RTN1: variants seen among roughly 807,000 people sequenced by gnomAD.
The protein encoded by RTN1 is reticulon-1.
In RTN1, 25 loss-of-function variants were observed where a neutral mutation model predicts 65.5. That is an observed-to-expected ratio of 0.38 (90% CI 0.28 to 0.53). The LOEUF is 0.53. Ranked by LOEUF, RTN1 falls within the 20% of genes least tolerant of loss-of-function variation. The pLI is 0.79. For missense variants in RTN1, 983 were observed against 1,025.4 expected (o/e 0.96, Z 0.57); for synonymous variants, 471 against 447.6 (o/e 1.05, Z -0.66).
At chr14:59,739,983 A>G (rs560439060) in intron 2 of RTN1, among the ~76,000 whole-genome samples, 1 of 152,324 alleles carries the variant, frequency 6.6e-6, no homozygotes, top group South Asian at 2.1e-4. Flanking sequence ...CCCTTGTGCC[A>G]GCTGGCCTGA....
chr14:59,853,660 G>A (rs1202642600), intron 1 of RTN1, among the ~76,000 whole-genome samples: 1 of 151,918 alleles, frequency 6.6e-6, no homozygotes, highest in African/African-American at 2.4e-5. Context: ...TGGGCATCTC[G>A]AGTTAACGAG....
chr14:59,858,324 T>A (rs778572594), intron 1 of RTN1, among the ~76,000 whole-genome samples: 7 of 152,220 alleles, frequency 4.6e-5, no homozygotes, highest in Non-Finnish European at 7.3e-5. Context: ...AGGTAGTTTA[T>A]AGACCATATT....
At chr14:59,762,349 C>T (rs979406690) in intron 1 of RTN1, among the ~76,000 whole-genome samples, 2 of 152,164 alleles carry the variant, frequency 1.3e-5, no homozygotes, top group East Asian at 1.9e-4. Context: ...AATATATGCT[C>T]ACTATGTGCT....
intron 1 of RTN1, among the ~76,000 whole-genome samples, chr14:59,817,503 C>T (rs1886843732): frequency 6.6e-6 from 1 of 152,122 alleles, no homozygotes; most frequent in African/African-American, 2.4e-5. Flanking sequence ...CTTTATTTTT[C>T]TTCTTTGTAA....
intron 3 of RTN1, among the ~76,000 whole-genome samples, chr14:59,706,618 G>A (rs1373825558): frequency 1.3e-5 from 2 of 152,202 alleles, no homozygotes; most frequent in African/African-American, 2.4e-5. Flanking sequence ...GTGAGTGTGT[G>A]CACACGTGTG....
chr14:59,606,096 A>G (rs1881736577), intron 4 of RTN1: 1 of 89,766 alleles, frequency 1.1e-5, no homozygotes, highest in Admixed American at 1.5e-4. Flanking sequence ...TTGGGTGGGA[A>G]AAACATGATA....
At chr14:59,833,525 T>A (rs1887163041) in intron 1 of RTN1, among the ~76,000 whole-genome samples, 2 of 152,170 alleles carry the variant, frequency 1.3e-5, no homozygotes, top group South Asian at 2.1e-4. Context: ...GAAAAAAATT[T>A]TTTTTCTTTC....
chr14:59,768,413 G>T lies in RTN1; in HGVS notation c.242-21932C>A, dbSNP rs1016351866. 6.6e-5 allele frequency among the ~76,000 whole-genome samples: 10 copies of T among 152,322 alleles called. No homozygotes were observed. In the East Asian group the frequency reaches 1.9e-3, roughly 29 times the overall value. On this transcript the variant is annotated intron_variant, in intron 1 of 8. Coordinates refer to ENST00000267484, the MANE Select transcript of RTN1 (RefSeq NM_021136.3). ...GTAATGATCCAGTGACCGAAATCAG[G>T]ATTTAGATACTCTTCTCTGCCCTTG...
Position 59,870,721 on chromosome 14 carries a change from A to G in RTN1, c.-91T>C. The G allele has an allele frequency of 1.6e-6, 2 of 1,246,000 alleles. No individual in the cohort carries two copies. The highest frequency in any genetic ancestry group is 2.8e-5 in the South Asian group (1 of 35,102). 77.2% of individuals were successfully genotyped at this position (1,246,000 alleles called of 1,614,324 possible). A position where few individuals can be genotyped will look rare whatever the true frequency, so the allele number is the denominator to read the frequency against. ...GCTCCCTGCTGCTGTCCCCGGAGGG[A>G]CTCGGCGCTCAGGGAAGCTGCGGTG... On this transcript the variant is annotated 5_prime_UTR_variant, in exon 1 of 9. Transcript: ENST00000267484. The surrounding 1 kb of genome is among the most constrained non-coding windows in gnomAD (Gnocchi z 5.1).
intron 1 of RTN1, among the ~76,000 whole-genome samples, chr14:59,758,703 T>C (rs951684388): frequency 2.6e-5 from 4 of 152,238 alleles, no homozygotes; most frequent in Non-Finnish European, 4.4e-5. Flanking sequence ...CCTTTTTCTA[T>C]ATACTTGTTA....
intron 3 of RTN1, among the ~76,000 whole-genome samples, chr14:59,612,620 G>A (rs1359025961): frequency 1.3e-5 from 2 of 152,196 alleles, no homozygotes; most frequent in Non-Finnish European, 2.9e-5. Context: ...ACCCCTATAA[G>A]CCTGCTTCTC....
intron 3 of RTN1, among the ~76,000 whole-genome samples, chr14:59,690,327 A>G (rs1158752235): frequency 6.6e-6 from 1 of 152,006 alleles, no homozygotes; most frequent in Non-Finnish European, 1.5e-5. Flanking sequence ...TTATCCTTAT[A>G]TCATATAAGA....
At chr14:59,697,280 A>G (rs1309203246) in intron 3 of RTN1, among the ~76,000 whole-genome samples, 2 of 152,108 alleles carry the variant, frequency 1.3e-5, no homozygotes, top group Admixed American at 1.3e-4. Flanking sequence ...CAACTTTGTT[A>G]TTATACTTAA....
chr14:59,764,988 A>G (rs1288778963), intron 1 of RTN1, among the ~76,000 whole-genome samples: 1 of 152,196 alleles, frequency 6.6e-6, no homozygotes, highest in Admixed American at 6.6e-5. Context: ...TCTTTTGAGT[A>G]CATGATTTTT....
intron 2 of RTN1, among the ~76,000 whole-genome samples, chr14:59,738,732 C>G (rs577980486): frequency 5.3e-5 from 8 of 152,072 alleles, no homozygotes; most frequent in Non-Finnish European, 8.8e-5. Flanking sequence ...TTTACAATAG[C>G]GAAGACATGG....
chr14:59,841,717 A>AC lies in RTN1; in HGVS notation c.241+28672_241+28673insG, dbSNP rs1491281175. ...GCGAGACTCCATTAAAAAAAAAAACAAAAAAAAAAACAGCAGACTCTAGAA... is the reference window on the plus strand; with the variant it reads ...GCGAGACTCCATTAAAAAAAAAAACACAAAAAAAAAACAGCAGACTCTAGAA... On this transcript the variant is annotated intron_variant, in intron 1 of 8. Coordinates refer to ENST00000267484, the MANE Select transcript of RTN1 (RefSeq NM_021136.3). Among the ~76,000 whole-genome samples, 163 of 112,660 alleles carry AC rather than the reference A, an allele frequency of 1.4e-3. 1 individual carries two copies. The highest frequency in any genetic ancestry group is 9.7e-3 in the South Asian group (29 of 3,000). The allele number at this position is 112,660 out of a possible 152,430, so 73.9% of individuals were successfully genotyped here. A position where few individuals can be genotyped will look rare whatever the true frequency, so the allele number is the denominator to read the frequency against.
chr14:59,624,064 A>G (rs76932095), intron 3 of RTN1, among the ~76,000 whole-genome samples: 1 of 152,230 alleles, frequency 6.6e-6, no homozygotes, highest in African/African-American at 2.4e-5. Flanking sequence ...CATTTGTTCA[A>G]CATTAACACC....
intron 1 of RTN1, among the ~76,000 whole-genome samples, chr14:59,848,868 C>T (rs979697579): frequency 3.9e-5 from 6 of 152,108 alleles, no homozygotes; most frequent in Admixed American, 6.6e-5. Context: ...TGATACAGTA[C>T]GAAGTCCATG....
rs1339170788 is a variant in RTN1 at position 59,774,939 on chromosome 14, A to G, written c.242-28458T>C. On this transcript the variant is annotated intron_variant, in intron 1 of 8. Coordinates refer to ENST00000267484, the MANE Select transcript of RTN1 (RefSeq NM_021136.3). The surrounding 1 kb of genome is among the most constrained non-coding windows in gnomAD (Gnocchi z 5.1). ...TGACTGAATTAACATTTCAGGGGAA[A>G]ACTGTTGCAATAACAGACAGAAACC... Among the ~76,000 whole-genome samples the G allele has an allele frequency of 1.3e-5, 2 of 152,212 alleles. No homozygotes were observed. Among genetic ancestry groups the G allele is most frequent in the Non-Finnish European group, 2.9e-5 (2 of 68,034 alleles).
Sources: gnomAD v4.1 joint callset for allele counts (sites outside exome capture counted in the v4.1 genomes callset) on GRCh38, gnomAD v4.1.1 for gene constraint, Gnocchi (gnomAD v3.1) non-coding constraint, MANE v1.5 for transcripts, NCBI Gene and HGNC (gene_info 2026-07-23, HGNC 2026-07-21) for gene names.